Variants in LARP4 observed in about 807,000 individuals in gnomAD.
LARP4 encodes La ribonucleoprotein 4.
In LARP4, 29 loss-of-function variants were observed where a neutral mutation model predicts 92.9. The ratio of observed to expected loss-of-function variants is 0.31; its 90% confidence interval spans 0.23 to 0.43. The LOEUF is 0.43. Among genes scored for constraint, LARP4 ranks in the 20% least tolerant of loss-of-function variants. LARP4 has a pLI of 1.00. For synonymous variants in LARP4, 279 were observed against 284.1 expected, an observed-to-expected ratio of 0.98 and a Z score of 0.18; for missense variants, 732 against 860.0, an observed-to-expected ratio of 0.85 and a Z score of 1.86.
chr12:50,412,454 G>A (rs1946069541), intron 1 of LARP4: 1 of 968,612 alleles, frequency 1.0e-6, no homozygotes, highest in Non-Finnish European at 1.2e-6. Flanking sequence ...TAGTAAATAG[G>A]TAAGTAAAAC....
chr12:50,474,448 C>T (rs1018764120), intron 15 of LARP4, among the ~76,000 whole-genome samples: 4 of 152,012 alleles, frequency 2.6e-5, no homozygotes, highest in Non-Finnish European at 4.4e-5. Context: ...CCCGGGTTCA[C>T]GCCATTCTCC....
intron 1 of LARP4, among the ~76,000 whole-genome samples, chr12:50,409,801 T>C (rs1341729599): frequency 9.9e-5 from 15 of 150,982 alleles, no homozygotes; most frequent in Non-Finnish European, 7.4e-5. Flanking sequence ...TTATTATTAT[T>C]ATTATTATTT....
chr12:50,455,779 A>T (rs1440995071), intron 10 of LARP4, among the ~76,000 whole-genome samples: 1 of 152,196 alleles, frequency 6.6e-6, no homozygotes, highest in Admixed American at 6.5e-5. Flanking sequence ...TTCAAGTGTT[A>T]GAAAAATTTT....
rs1592914165 is a variant in LARP4, at chr12:50,422,991, T to A, written c.19-4771T>A. ...TGCCACCATGCTTGGCTAATTTTTT[T>A]GTATGTTTAGTAGCGACGGGGTTTC... On this transcript the variant is annotated intron_variant, in intron 1 of 15. Coordinates refer to ENST00000398473, the MANE Select transcript of LARP4 (RefSeq NM_052879.5). Among the ~76,000 whole-genome samples, 7 of 151,850 alleles carry A rather than the reference T, an allele frequency of 4.6e-5. No individual in the cohort carries two copies. The East Asian group carries it at 1.4e-3, about 29-fold the overall frequency.
chr12:50,458,989 T>C (rs1398074113), intron 10 of LARP4, among the ~76,000 whole-genome samples: 1 of 152,128 alleles, frequency 6.6e-6, no homozygotes, highest in African/African-American at 2.4e-5. Context: ...TTTAGTAAGA[T>C]GCTAGGTTTT....
rs550048590 is a variant in LARP4 at position 50,435,681 on chromosome 12, C to T, written c.535+57C>T. On this transcript the variant is annotated intron_variant, in intron 5 of 15. Transcript: ENST00000398473. ...AATTTTTAAACGTAAAATGTTATTTCGACTTCTGATCATATAGGGAATTAT... is the reference window on the plus strand; with the variant it reads ...AATTTTTAAACGTAAAATGTTATTTTGACTTCTGATCATATAGGGAATTAT... 1.2e-5 allele frequency: 16 copies of T among 1,295,654 alleles called. 1 individual carries two copies. The South Asian group carries it at 1.4e-4, about 11-fold the overall frequency. The allele number at this position is 1,295,654 out of a possible 1,614,324, so 80.3% of individuals were successfully genotyped here.
rs187418611 is a variant in LARP4, at chr12:50,464,133, G to A, written c.1383+1503G>A. On this transcript the variant is annotated intron_variant, in intron 12 of 15. Transcript: ENST00000398473. ...GCTCCACTCCTCAGTACCAATTTTCGTTAAGCCGTTCTCACATTGCTGTAA... is the reference window on the plus strand; with the variant it reads ...GCTCCACTCCTCAGTACCAATTTTCATTAAGCCGTTCTCACATTGCTGTAA... 3.2e-3 allele frequency among the ~76,000 whole-genome samples: 484 copies of A among 152,112 alleles called. 3 individuals carry two copies. Among genetic ancestry groups the A allele is most frequent in the African/African-American group, 0.011 (448 of 41,484 alleles).
At position 50,436,051 on chromosome 12, in the gene LARP4, C is replaced by CTG. The variant is rs57676021; in HGVS notation, c.535+467_535+468dup. ...CCTTGGCTTCCCATTTTTACTGACTCTGTGTGTGTGTGTGTGTGTGTGTGT... is the reference window on the plus strand; with the variant it reads ...CCTTGGCTTCCCATTTTTACTGACTCTGTGTGTGTGTGTGTGTGTGTGTGTGT... On this transcript the variant is annotated intron_variant, in intron 5 of 15. Coordinates refer to ENST00000398473, the MANE Select transcript of LARP4 (RefSeq NM_052879.5). 6.3e-3 allele frequency among the ~76,000 whole-genome samples: 861 copies of CTG among 137,728 alleles called. 15 individuals carry two copies. The highest frequency in any genetic ancestry group is 0.023 in the African/African-American group (817 of 34,788). The allele number at this position is 137,728 out of a possible 152,430, so 90.4% of individuals were successfully genotyped here. A position where few individuals can be genotyped will look rare whatever the true frequency, so the allele number is the denominator to read the frequency against.
chr12:50,407,779 T>C (rs1382409386), intron 1 of LARP4, among the ~76,000 whole-genome samples: 1 of 152,108 alleles, frequency 6.6e-6, no homozygotes, highest in Non-Finnish European at 1.5e-5. Context: ...GCCGAGATCA[T>C]GTCACTGCAC....
At position 50,475,889 on chromosome 12, in the gene LARP4, T is replaced by C; in HGVS notation, c.*25T>C. 6.3e-7 allele frequency: 1 copy of C among 1,587,314 alleles called. No individual in the cohort carries two copies. Among genetic ancestry groups the C allele is most frequent in the Non-Finnish European group, 8.6e-7 (1 of 1,160,178 alleles). On this transcript the variant is annotated 3_prime_UTR_variant, in exon 16 of 16. Transcript: ENST00000398473. Reference sequence around the variant, plus strand: ...AAAAACAACAAAACTATTCAAAAACTTCACTCTCTTCCCATTAAACTTGAA... The same window carrying C: ...AAAAACAACAAAACTATTCAAAAACCTCACTCTCTTCCCATTAAACTTGAA...
intron 12 of LARP4, among the ~76,000 whole-genome samples, chr12:50,465,683 G>T (rs1956064028): frequency 6.6e-6 from 1 of 152,150 alleles, no homozygotes; most frequent in African/African-American, 2.4e-5. Flanking sequence ...TATTCAGCAT[G>T]CTGTTTGAAG....
chr12:50,454,178 A>G (rs1030128036), intron 9 of LARP4, 136 bp from the exon 10 acceptor site: 11 of 606,416 alleles, frequency 1.8e-5, no homozygotes, highest in African/African-American at 7.4e-5. Flanking sequence ...AATATTGCAG[A>G]AATGAATCAG....
intron 12 of LARP4, among the ~76,000 whole-genome samples, chr12:50,465,157 A>AG (rs1955978807): frequency 6.6e-6 from 1 of 151,634 alleles, no homozygotes; most frequent in Non-Finnish European, 1.5e-5. Context: ...GCATTGCCTG[A>AG]GGGTAGGATT....
intron 8 of LARP4, among the ~76,000 whole-genome samples, chr12:50,446,148 G>A (rs1365220181): frequency 2.7e-5 from 4 of 150,318 alleles, no homozygotes; most frequent in African/African-American, 4.9e-5. Flanking sequence ...GACTACAGGC[G>A]CCTGCCATCA....
chr12:50,416,109 C>A (rs145507807), intron 1 of LARP4, among the ~76,000 whole-genome samples: 30 of 152,252 alleles, frequency 2.0e-4, no homozygotes, highest in African/African-American at 7.0e-4. Context: ...TTTATAACTT[C>A]CATTTTGCAG....
At chr12:50,448,130 G>A (rs1276354241) in intron 8 of LARP4, among the ~76,000 whole-genome samples, 1 of 152,174 alleles carries the variant, frequency 6.6e-6, no homozygotes, top group African/African-American at 2.4e-5. Context: ...CTTCCAAAGT[G>A]CTGGGATTAC....
At chr12:50,407,382 TCA>T (rs1945052218) in intron 1 of LARP4, among the ~76,000 whole-genome samples, 1 of 152,206 alleles carries the variant, frequency 6.6e-6, no homozygotes, top group South Asian at 2.1e-4. Context: ...TTCTAAGTTT[TCA>T]TCTCAGCCTT....
chr12:50,457,285 C>T (rs1302275974), intron 10 of LARP4, among the ~76,000 whole-genome samples: 1 of 149,170 alleles, frequency 6.7e-6, no homozygotes, highest in Non-Finnish European at 1.5e-5. Flanking sequence ...CGGCTCACTG[C>T]AACGTCCGTC....
intron 1 of LARP4, among the ~76,000 whole-genome samples, chr12:50,410,310 C>T (rs538492131): frequency 3.3e-5 from 5 of 151,358 alleles, no homozygotes; most frequent in South Asian, 4.2e-4. Flanking sequence ...TGGCCTCAAA[C>T]GATCCTCCCA....
Sources: gnomAD v4.1 joint callset for allele counts (sites outside exome capture counted in the v4.1 genomes callset) on GRCh38, gnomAD v4.1.1 for gene constraint, MANE v1.5 for transcripts, NCBI Gene and HGNC (gene_info 2026-07-23, HGNC 2026-07-21) for gene names.